The following ENOX2 variants were observed in gnomAD, a reference collection of about 807,000 sequenced individuals.
The protein encoded by ENOX2 is ecto-NOX disulfide-thiol exchanger 2.
Under a neutral mutation model 45.0 loss-of-function variants are expected in ENOX2, and 36 were observed. That is an observed-to-expected ratio of 0.80 (90% CI 0.61 to 1.06). The LOEUF (loss-of-function observed/expected upper bound fraction) is 1.06, where lower values mean the gene tolerates loss of function less well. Among genes scored for constraint, ENOX2 ranks in the 50% least tolerant of loss-of-function variants. The pLI, the probability that ENOX2 is intolerant of heterozygous loss-of-function variation, is 0.00. For synonymous variants in ENOX2, 174 were observed against 152.3 expected (o/e 1.14, Z -1.05); for missense variants, 423 against 462.5 (o/e 0.91, Z 0.78).
At chrX:130,809,872 G>A (rs2077363953) in intron 2 of ENOX2, among the ~76,000 whole-genome samples, 2 of 110,609 alleles carry the variant, frequency 1.8e-5, no homozygotes, top group Non-Finnish European at 3.8e-5. Context: ...GATTGAAAGT[G>A]GAAAGACCTG....
chrX:130,887,461 C>T (rs1016647739), intron 2 of ENOX2, among the ~76,000 whole-genome samples: 4 of 110,359 alleles, frequency 3.6e-5, no homozygotes, highest in African/African-American at 9.9e-5. Flanking sequence ...GCTTCAGCAA[C>T]GGAGCATAGG....
At chrX:130,791,776 G>C (rs893201808) in intron 2 of ENOX2, among the ~76,000 whole-genome samples, 36 of 111,505 alleles carry the variant, frequency 3.2e-4, no homozygotes, top group African/African-American at 1.1e-3. Flanking sequence ...CCTGGGGAGT[G>C]ATGGTAGACA....
chrX:130,867,755 A>G lies in ENOX2; in HGVS notation c.-183+33929T>C, dbSNP rs372997816. 8.9e-5 allele frequency among the ~76,000 whole-genome samples: 10 copies of G among 111,795 alleles called. No homozygotes were observed. The East Asian group carries it at 2.8e-3, about 31-fold the overall frequency. On this transcript the variant is annotated intron_variant, in intron 2 of 14. Coordinates refer to ENST00000394363, the MANE Select transcript of ENOX2 (RefSeq NM_006375.4). ...ACAGGCTCACTTTATTTTTGAGAAAATTACTGCCAAATACCCAGTGACACA... is the reference window on the plus strand; with the variant it reads ...ACAGGCTCACTTTATTTTTGAGAAAGTTACTGCCAAATACCCAGTGACACA...
chrX:130,772,322 T>C (rs1358533064), intron 3 of ENOX2, among the ~76,000 whole-genome samples: 1 of 111,987 alleles, frequency 8.9e-6, no homozygotes, highest in Non-Finnish European at 1.9e-5. Flanking sequence ...TGTGGTTGCC[T>C]TGCTAATGTA....
At chrX:130,724,702 T>C (rs1001037988) in intron 3 of ENOX2, among the ~76,000 whole-genome samples, 2 of 112,196 alleles carry the variant, frequency 1.8e-5, no homozygotes, top group African/African-American at 6.5e-5. Flanking sequence ...TGCCTACTTC[T>C]GCCTCCTGCT....
At chrX:130,758,929 G>A (rs921097613) in intron 3 of ENOX2, among the ~76,000 whole-genome samples, 1 of 109,951 alleles carries the variant, frequency 9.1e-6, no homozygotes, top group African/African-American at 3.3e-5. Flanking sequence ...TTTTACCGTT[G>A]AATTTGAGAG....
At chrX:130,802,181 G>A (rs1351849832) in intron 2 of ENOX2, among the ~76,000 whole-genome samples, 1 of 112,043 alleles carries the variant, frequency 8.9e-6, no homozygotes, top group Non-Finnish European at 1.9e-5. Context: ...GCTTGCTGCT[G>A]TTCTGCCTTG....
intron 3 of ENOX2, among the ~76,000 whole-genome samples, chrX:130,779,113 T>C (rs2039920052): frequency 8.9e-6 from 1 of 112,490 alleles, no homozygotes; most frequent in Admixed American, 9.4e-5. Flanking sequence ...GTTGGCAACT[T>C]TGAGAAACGA....
At chrX:130,849,814 C>T (rs754535804) in intron 2 of ENOX2, among the ~76,000 whole-genome samples, 2 of 111,635 alleles carry the variant, frequency 1.8e-5, no homozygotes, top group Non-Finnish European at 3.8e-5. Context: ...TTTTTTTTAG[C>T]AGCCAACCCT....
At chrX:130,853,590 C>T (rs1293123267) in intron 2 of ENOX2, among the ~76,000 whole-genome samples, 1 of 110,572 alleles carries the variant, frequency 9.0e-6, no homozygotes, top group Admixed American at 9.6e-5. Context: ...GCACCCCTAA[C>T]CTCATCCCTA....
chrX:130,718,417 G>A (rs780979157), intron 3 of ENOX2, among the ~76,000 whole-genome samples: 15 of 111,681 alleles, frequency 1.3e-4, no homozygotes, highest in African/African-American at 4.9e-4. Flanking sequence ...TGCTGGCTAT[G>A]TAACTTAGGC....
intron 9 of ENOX2, among the ~76,000 whole-genome samples, chrX:130,663,861 C>T (rs1007105962): frequency 8.9e-6 from 1 of 111,764 alleles, no homozygotes; most frequent in Non-Finnish European, 1.9e-5. Context: ...CATTACCCTT[C>T]TAACTCCCTG....
chrX:130,669,866 G>A (rs769835671), intron 7 of ENOX2, 99 bp downstream of exon 7: 2 of 611,040 alleles, frequency 3.3e-6, no homozygotes, highest in Admixed American at 2.8e-5. Context: ...TCCATTAGTA[G>A]GAAACTCAAA....
chrX:130,898,110 C>A, intron 2 of ENOX2, among the ~76,000 whole-genome samples: 1 of 110,563 alleles, frequency 9.0e-6, no homozygotes, highest in Non-Finnish European at 1.9e-5. Context: ...TGGGTTGAAG[C>A]AATTCTCCTG....
At position 130,625,169 on chromosome X, in the gene ENOX2, T is replaced by C; in HGVS notation, c.*145A>G. On this transcript the variant is annotated 3_prime_UTR_variant, in exon 15 of 15. Transcript: ENST00000394363. ...AGTTCGAGGTGCTGTCCTAGGATCC[T>C]TATTTTAACTCAAAAGATTTTCCAG... 1 of 723,432 alleles carries C rather than the reference T, an allele frequency of 1.4e-6. No homozygotes were observed. Among genetic ancestry groups the C allele is most frequent in the Non-Finnish European group, 2.0e-6 (1 of 499,233 alleles). 59.6% of individuals were successfully genotyped at this position (723,432 alleles called of 1,213,427 possible).
intron 3 of ENOX2, among the ~76,000 whole-genome samples, chrX:130,773,900 C>T (rs1471648277): frequency 8.9e-6 from 1 of 112,018 alleles, no homozygotes; most frequent in African/African-American, 3.2e-5. Context: ...GGAAAAAAAT[C>T]AAGACTGTCC....
At chrX:130,830,628 T>C (rs923262871) in intron 2 of ENOX2, among the ~76,000 whole-genome samples, 6 of 112,300 alleles carry the variant, frequency 5.3e-5, no homozygotes, top group Non-Finnish European at 1.1e-4. Flanking sequence ...TTTCTGTCTT[T>C]CTACTGGAAG....
intron 3 of ENOX2, among the ~76,000 whole-genome samples, chrX:130,780,075 C>T (rs1489698982): frequency 3.6e-5 from 4 of 110,938 alleles, no homozygotes; most frequent in Non-Finnish European, 5.7e-5. Flanking sequence ...GGTATGAGCA[C>T]GGTGGTGAGG....
chrX:130,888,917 G>T (rs1360314464), intron 2 of ENOX2, among the ~76,000 whole-genome samples: 1 of 111,377 alleles, frequency 9.0e-6, no homozygotes, highest in Non-Finnish European at 1.9e-5. Flanking sequence ...GTCCCATCTG[G>T]AATGCAAACT....
Sources: allele counts gnomAD v4.1 joint callset (sites outside exome capture counted in the v4.1 genomes callset), GRCh38; gene constraint gnomAD v4.1.1; transcripts MANE v1.5; gene names NCBI Gene and HGNC (gene_info 2026-07-23, HGNC 2026-07-21).